FBN2: variants seen among roughly 807,000 people sequenced by gnomAD.
The protein encoded by FBN2 is fibrillin-2.
FBN2 carries 105 observed loss-of-function variants against 355.6 expected under a neutral mutation model. The ratio of observed to expected loss-of-function variants is 0.30; its 90% CI spans 0.25 to 0.35. FBN2 has a LOEUF of 0.35. Among genes scored for constraint, FBN2 ranks in the 10% least tolerant of loss-of-function variants. The pLI, the probability that FBN2 is intolerant of heterozygous loss-of-function variation, is 1.00. For missense variants in FBN2, 3,280 were observed against 3,758.7 expected, an observed-to-expected ratio of 0.87 and a Z score of 3.33; for synonymous variants, 1,350 against 1,301.2, an observed-to-expected ratio of 1.04 and a Z score of -0.81.
intron 48 of FBN2, among the ~76,000 whole-genome samples, chr5:128,291,921 T>G (rs757948415): frequency 6.6e-6 from 1 of 152,142 alleles, no homozygotes; most frequent in African/African-American, 2.4e-5. Context: ...CTACCTGACA[T>G]GAACAACTCC....
chr5:128,345,522 C>G lies in FBN2; in HGVS notation c.3052G>C (p.Gly1018Arg). 1 of 1,614,192 alleles carries G rather than the reference C, an allele frequency of 6.2e-7. No homozygotes were observed. The highest frequency in any genetic ancestry group is 8.5e-7 in the Non-Finnish European group (1 of 1,180,032). ...CAGCAGGCATCCATGCGGAACTTTC[C>G]AGGAACGGGGTGGATGCATTCATCT... Reference protein sequence around the residue: ...DEDECIHPVPGKFRMDACCCA... With the variant: ...DEDECIHPVPRKFRMDACCCA... Residue 1018 changes from glycine to arginine, a missense_variant, in exon 24 of 65, where the codon GGA becomes CGA. Physicochemically the swap from Gly to Arg is moderately radical, Grantham distance 125. This residue lies in a region of FBN2 where 2,284 missense variants were observed against 2,749.5 expected (regional missense o/e 0.83). Coordinates refer to ENST00000262464, the MANE Select transcript of FBN2 (RefSeq NM_001999.4).
chr5:128,269,928 T>G (rs951598606), intron 62 of FBN2, among the ~76,000 whole-genome samples: 3 of 152,230 alleles, frequency 2.0e-5, no homozygotes, highest in African/African-American at 7.2e-5. Flanking sequence ...GGCCTCATGC[T>G]ACCTGTCTTC....
chr5:128,348,080 C>T (rs1036417411), intron 23 of FBN2, among the ~76,000 whole-genome samples: 2 of 152,188 alleles, frequency 1.3e-5, no homozygotes, highest in African/African-American at 4.8e-5. Flanking sequence ...AGCCACCACT[C>T]CCAGCCATAA....
chr5:128,335,437 G>T lies in FBN2; in HGVS notation c.3847+18C>A. The T allele has an allele frequency of 6.2e-7, 1 of 1,614,090 alleles. No individual in the cohort carries two copies. The highest frequency in any genetic ancestry group is 8.5e-7 in the Non-Finnish European group (1 of 1,179,926). Reference sequence around the variant, plus strand: ...AATTAGTTAGATGTACAAAACCTGTGTGTTTTCCTTTCTATACCTGCACAC... The same window carrying T: ...AATTAGTTAGATGTACAAAACCTGTTTGTTTTCCTTTCTATACCTGCACAC... On this transcript the variant is annotated intron_variant, in intron 29 of 64. Transcript: ENST00000262464.
intron 50 of FBN2, 74 bp downstream of exon 50, chr5:128,290,658 A>C: frequency 7.0e-7 from 1 of 1,420,050 alleles, no homozygotes; most frequent in Non-Finnish European, 1.0e-6. Flanking sequence ...CTTAAATTAC[A>C]TGGTTAAACC....
chr5:128,506,731 T>C (rs895709213), intron 5 of FBN2, among the ~76,000 whole-genome samples: 4 of 152,108 alleles, frequency 2.6e-5, no homozygotes, highest in African/African-American at 9.7e-5. Context: ...TTTGTCACCA[T>C]ATTACAGTTT....
chr5:128,366,138 T>C (rs1581243925), intron 17 of FBN2, among the ~76,000 whole-genome samples: 1 of 113,250 alleles, frequency 8.8e-6, no homozygotes, highest in African/African-American at 2.7e-5. Context: ...GAGAGTAGTT[T>C]GTTAGTGACA....
At chr5:128,472,717 G>C (rs1035333746) in intron 5 of FBN2, among the ~76,000 whole-genome samples, 1 of 151,976 alleles carries the variant, frequency 6.6e-6, no homozygotes, top group African/African-American at 2.4e-5. Context: ...CTAGAACCCG[G>C]GAGGGGGAGG....
At chr5:128,511,158 A>C (rs1327978495) in intron 5 of FBN2, among the ~76,000 whole-genome samples, 2 of 152,260 alleles carry the variant, frequency 1.3e-5, no homozygotes, top group Non-Finnish European at 2.9e-5. Flanking sequence ...CTAGTGAAAT[A>C]TTATACAACT....
At chr5:128,490,877 A>G (rs1755482946) in intron 5 of FBN2, among the ~76,000 whole-genome samples, 2 of 152,218 alleles carry the variant, frequency 1.3e-5, no homozygotes, top group Admixed American at 1.3e-4. Flanking sequence ...TGAGAAACAA[A>G]GAGGTTACTC....
At position 128,288,540 on chromosome 5, in the gene FBN2, T is replaced by C. The variant is rs140821039; in HGVS notation, c.6655A>G (p.Ile2219Val). 425 of 1,613,904 alleles carry C rather than the reference T, an allele frequency of 2.6e-4. No individual in the cohort carries two copies. The African/African-American group carries it at 3.3e-3, about 13-fold the overall frequency. Reference sequence around the variant, plus strand: ...GTACCATTTCCACACGGATTGCCGATTGAACACTCATCAGTATCTGAAAAA... The same window carrying C: ...GTACCATTTCCACACGGATTGCCGACTGAACACTCATCAGTATCTGAAAAA... ...VRCVDTDECS[I>V]GNPCGNGTCT... The change falls in exon 53 of 65, where the codon ATC becomes GTC. Residue 2219 changes from isoleucine (I) to valine (V), a missense_variant. Ile to Val is a conservative substitution (Grantham distance 29, BLOSUM62 3). Coordinates refer to ENST00000262464, the MANE Select transcript of FBN2 (RefSeq NM_001999.4).
At chr5:128,394,993 C>T in intron 9 of FBN2, 129 bp downstream of exon 9, 1 of 1,013,902 alleles carries the variant, frequency 9.9e-7, no homozygotes, top group South Asian at 1.3e-5. Context: ...GCCATGTTGC[C>T]CAGGCTGGTT....
chr5:128,319,213 C>T lies in FBN2; in HGVS notation c.4472-212G>A, dbSNP rs183954641. ...AGATATACAAGAATACTGTTTTCTTCGTAAAATGAGTGTCTAGTATTTTGA... is the reference window on the plus strand; with the variant it reads ...AGATATACAAGAATACTGTTTTCTTTGTAAAATGAGTGTCTAGTATTTTGA... On this transcript the variant is annotated intron_variant, in intron 34 of 64. Transcript: ENST00000262464. 4.5e-3 allele frequency among the ~76,000 whole-genome samples: 677 copies of T among 151,356 alleles called. 2 individuals carry two copies. The highest frequency in any genetic ancestry group is 7.2e-3 in the Non-Finnish European group (490 of 67,880).
intron 5 of FBN2, among the ~76,000 whole-genome samples, chr5:128,489,062 T>C (rs1258441288): frequency 1.3e-5 from 2 of 152,094 alleles, no homozygotes; most frequent in African/African-American, 4.8e-5. Flanking sequence ...TCTAGATCCC[T>C]GAGGAATCGC....
At chr5:128,530,744 A>G in intron 2 of FBN2, 51 bp from the exon 3 acceptor site, 1 of 1,177,254 alleles carries the variant, frequency 8.5e-7, no homozygotes, top group South Asian at 1.3e-5. Context: ...AATAAACCAT[A>G]GTTTACAAAA....
intron 11 of FBN2, among the ~76,000 whole-genome samples, chr5:128,387,425 G>A (rs972159217): frequency 4.6e-5 from 7 of 151,916 alleles, no homozygotes; most frequent in Admixed American, 2.6e-4. Flanking sequence ...TTTAGGTTTC[G>A]TTGATGTTTT....
intron 5 of FBN2, among the ~76,000 whole-genome samples, chr5:128,511,170 T>C (rs898632162): frequency 1.3e-5 from 2 of 152,252 alleles, no homozygotes; most frequent in African/African-American, 2.4e-5. Context: ...TATACAACTT[T>C]AATCTAGCAG....
At chr5:128,442,070 T>A (rs1366998277) in intron 7 of FBN2, 2 of 298,040 alleles carry the variant, frequency 6.7e-6, no homozygotes, top group Non-Finnish European at 1.3e-5. Context: ...CAGAGGAGAC[T>A]GTGCCAACAA....
intron 59 of FBN2, 24 bp downstream of exon 59, chr5:128,276,014 G>C (rs555283346): frequency 6.2e-7 from 1 of 1,612,358 alleles, no homozygotes; most frequent in East Asian, 2.2e-5. Flanking sequence ...CTAGGGTCAC[G>C]ATTGTCAGAG....
Sources: gnomAD v4.1 joint callset for allele counts (sites outside exome capture counted in the v4.1 genomes callset) on GRCh38, gnomAD v4.1.1 for gene constraint, gnomAD v4.1.1 regional missense constraint, MANE v1.5 for transcripts, NCBI Gene and HGNC (gene_info 2026-07-23, HGNC 2026-07-21) for gene names.